Variants in SLC6A20 observed in about 807,000 individuals in gnomAD.
SLC6A20 encodes the protein sodium- and chloride-dependent transporter XTRP3.
SLC6A20 carries 73 observed loss-of-function variants against 64.3 expected under a neutral mutation model. The observed-to-expected ratio is 1.14, with a 90% CI of 0.94 to 1.38. The LOEUF (loss-of-function observed/expected upper bound fraction) is 1.38, where lower values mean the gene tolerates loss of function less well. Ranked by LOEUF, SLC6A20 falls within the 40% of genes most tolerant of loss-of-function variation. SLC6A20 has a pLI of 0.00. For missense variants in SLC6A20, 725 were observed against 772.8 expected, an observed-to-expected ratio of 0.94 and a Z score of 0.73; for synonymous variants, 347 against 329.6, an observed-to-expected ratio of 1.05 and a Z score of -0.57.
chr3:45,759,194 A>C (rs1699615918), intron 10 of SLC6A20, 67 bp from the exon 11 acceptor site: 1 of 1,494,402 alleles, frequency 6.7e-7, no homozygotes, highest in East Asian at 2.4e-5. Context: ...CTCAGGGCCC[A>C]TCCGTGATGG....
chr3:45,766,575 A>G (rs1699780724), intron 7 of SLC6A20, among the ~76,000 whole-genome samples: 1 of 152,230 alleles, frequency 6.6e-6, no homozygotes, highest in South Asian at 2.1e-4. Flanking sequence ...TGAAATTTGT[A>G]TGTTGAAACC....
At position 45,770,312 on chromosome 3, in the gene SLC6A20, T is replaced by G. The variant is rs1699839063; in HGVS notation, c.995A>C (p.Asn332Thr). 1.2e-6 allele frequency: 2 copies of G among 1,614,090 alleles called. No homozygotes were observed. The highest frequency in any genetic ancestry group is 1.3e-5 in the African/African-American group (1 of 74,924). Reference sequence around the variant, plus strand: ...GAGGTAGCCCTTCACCTGCTCCAGGTTGCTGGCTGTCAAAAAGCCATCTTC... The same window carrying G: ...GAGGTAGCCCTTCACCTGCTCCAGGGTGCTGGCTGTCAAAAAGCCATCTTC... ...DLEDGFLTAS[N>T]LEQVKGYLAS... The change falls in exon 7 of 11, where the codon AAC becomes ACC. Residue 332 changes from asparagine (N) to threonine (T), a missense_variant. Coordinates refer to ENST00000358525, the MANE Select transcript of SLC6A20 (RefSeq NM_020208.4).
At chr3:45,760,739 C>T (rs533074832) in intron 9 of SLC6A20, among the ~76,000 whole-genome samples, 3 of 152,356 alleles carry the variant, frequency 2.0e-5, no homozygotes, top group Non-Finnish European at 2.9e-5. Context: ...AAACTAAGTA[C>T]GTGTGTTTTT....
rs371434632 is a variant in SLC6A20 at position 45,780,146 on chromosome 3, C to A, written c.263-46G>T. 12 of 1,532,570 alleles carry A rather than the reference C, an allele frequency of 7.8e-6. No homozygotes were observed. The African/African-American group carries it at 1.4e-4, about 18-fold the overall frequency. 94.9% of individuals were successfully genotyped at this position (1,532,570 alleles called of 1,614,324 possible). The stretch of plus-strand genomic sequence containing the variant: ...GCGCTGAGGACTGAGGATGGCCCTT[C>A]CCCCTCCGCCAGGCCCAGCGTGTGC... On this transcript the variant is annotated intron_variant, in intron 2 of 10. Transcript: ENST00000358525.
In SLC6A20 at chr3:45,780,062, A is replaced by C. The variant is rs1302728104; in HGVS notation, c.301T>G (p.Tyr101Asp). The C allele has an allele frequency of 1.9e-6, 3 of 1,604,312 alleles. No individual in the cohort carries two copies. The highest frequency in any genetic ancestry group is 2.6e-6 in the Non-Finnish European group (3 of 1,175,398). Residue 101 changes from tyrosine to aspartate, a missense_variant, in exon 3 of 11, where the codon TAC (tyrosine) becomes GAC (aspartate). Coordinates refer to ENST00000358525, the MANE Select transcript of SLC6A20 (RefSeq NM_020208.4). ...GCCCAGGCGTTGATGACGTTGTAGT[A>C]CATGGAGAGGAAGAAAGAGACCACC... ...SVVVSFFLSM[Y>D]YNVINAWAFW...
At chr3:45,771,092 G>T in intron 6 of SLC6A20, 125 bp downstream of exon 6, 1 of 1,395,190 alleles carries the variant, frequency 7.2e-7, no homozygotes, top group Non-Finnish European at 9.7e-7. Context: ...GGTGTAGGGA[G>T]TCCAAATGTG....
chr3:45,789,601 A>G (rs1700217053), intron 1 of SLC6A20, among the ~76,000 whole-genome samples: 1 of 77,584 alleles, frequency 1.3e-5, no homozygotes, highest in Non-Finnish European at 2.5e-5. Flanking sequence ...AAAATAAGTT[A>G]ATTTTGAAAA....
chr3:45,783,242 T>C (rs1024254526), intron 1 of SLC6A20, among the ~76,000 whole-genome samples: 3 of 152,130 alleles, frequency 2.0e-5, no homozygotes, highest in Admixed American at 1.3e-4. Context: ...AAATGTCCAG[T>C]GGGAAAAGAG....
Position 45,771,466 on chromosome 3 carries a change from GC to G in SLC6A20, c.694-9del. ...GTTGGCCAGCTGCTCTATCTGGAAG[GC>G]CAGCAGGGACAGGGCTGATGATCCC... On this transcript the variant is annotated splice_polypyrimidine_tract_variant and intron_variant, in intron 5 of 10. Coordinates refer to ENST00000358525, the MANE Select transcript of SLC6A20 (RefSeq NM_020208.4). 6.2e-7 allele frequency: 1 copy of G among 1,613,972 alleles called. No individual in the cohort carries two copies. The highest frequency in any genetic ancestry group is 8.5e-7 in the Non-Finnish European group (1 of 1,179,824).
intron 8 of SLC6A20, among the ~76,000 whole-genome samples, chr3:45,764,321 AAAC>A (rs1351400179): frequency 2.0e-5 from 3 of 152,280 alleles, no homozygotes; most frequent in Admixed American, 6.5e-5. Flanking sequence ...TCGCTGCTCG[AAAC>A]AACATGAGTG....
At chr3:45,763,453 C>G (rs1699721020) in intron 8 of SLC6A20, among the ~76,000 whole-genome samples, 1 of 152,148 alleles carries the variant, frequency 6.6e-6, no homozygotes, top group South Asian at 2.1e-4. Flanking sequence ...CCCTGGAGCT[C>G]ATGAGAAATG....
chr3:45,783,595 C>T (rs1329273520), intron 1 of SLC6A20, among the ~76,000 whole-genome samples: 1 of 152,238 alleles, frequency 6.6e-6, no homozygotes, highest in African/African-American at 2.4e-5. Context: ...CTAAACAAAG[C>T]TGTGAAATGA....
At chr3:45,787,599 G>A (rs1242508146) in intron 1 of SLC6A20, among the ~76,000 whole-genome samples, 1 of 152,070 alleles carries the variant, frequency 6.6e-6, no homozygotes, top group East Asian at 1.9e-4. Flanking sequence ...GGTCTCACTG[G>A]ATCTTCCAGA....
At chr3:45,771,175 G>A in intron 6 of SLC6A20, 42 bp downstream of exon 6, 1 of 1,613,164 alleles carries the variant, frequency 6.2e-7, no homozygotes, top group Non-Finnish European at 8.5e-7. Flanking sequence ...TCAGCTCAGA[G>A]CTCAGGGAGG....
intron 4 of SLC6A20, 27 bp from the exon 5 acceptor site, chr3:45,772,642 C>A: frequency 6.3e-7 from 1 of 1,589,874 alleles, no homozygotes; most frequent in Non-Finnish European, 8.6e-7. Flanking sequence ...GCAGAGTTGG[C>A]CTCCCGGAGC....
chr3:45,774,750 C>A (rs1699935968), intron 4 of SLC6A20, among the ~76,000 whole-genome samples: 1 of 152,074 alleles, frequency 6.6e-6, no homozygotes, highest in Non-Finnish European at 1.5e-5. Context: ...GGACTCTCAG[C>A]AGGTGACAGT....
At chr3:45,771,684 A>G in intron 5 of SLC6A20, 1 of 651,676 alleles carries the variant, frequency 1.5e-6, no homozygotes, top group Non-Finnish European at 2.6e-6. Context: ...TGCTGTGGAG[A>G]ATACAGGTGC....
At chr3:45,795,238 TTAAG>T (rs1333370237) in intron 1 of SLC6A20, among the ~76,000 whole-genome samples, 2 of 151,598 alleles carry the variant, frequency 1.3e-5, no homozygotes, top group Non-Finnish European at 3.0e-5. Context: ...CTGCATATTT[TTAAG>T]TAATTGTTTT....
rs1297093977 is a variant in SLC6A20 at position 45,755,955 on chromosome 3, ACTC to A, written c.*3020_*3022del. On this transcript the variant is annotated 3_prime_UTR_variant, in exon 11 of 11. Coordinates refer to ENST00000358525, the MANE Select transcript of SLC6A20 (RefSeq NM_020208.4). ...TTAAGTCATTTTATAAAATGTAAAT[ACTC>A]CTCAATGTACCACCCATGTTCTTTC... 1 of 152,158 alleles carries A rather than the reference ACTC, an allele frequency of 6.6e-6. No homozygotes were observed. Among genetic ancestry groups the A allele is most frequent in the African/African-American group, 2.4e-5 (1 of 41,420 alleles). The allele number at this position is 152,158 out of a possible 1,614,324, so 9.4% of individuals were successfully genotyped here.
Sources: gnomAD v4.1 joint callset for allele counts (sites outside exome capture counted in the v4.1 genomes callset) on GRCh38, gnomAD v4.1.1 for gene constraint, MANE v1.5 for transcripts, NCBI Gene and HGNC (gene_info 2026-07-23, HGNC 2026-07-21) for gene names.